Variants in TMEM74 observed in about 807,000 individuals in gnomAD.
The protein encoded by TMEM74 is transmembrane protein 74.
TMEM74 carries 13 observed loss-of-function variants against 18.1 expected under a neutral mutation model. That is an observed-to-expected ratio of 0.72 (90% confidence interval 0.47 to 1.14). The LOEUF is 1.14. Among genes scored for constraint, TMEM74 ranks in the 50% most tolerant of loss-of-function variants. The pLI is 0.00. For missense variants in TMEM74, 372 were observed against 375.9 expected (o/e 0.99, Z 0.09); for synonymous variants, 159 against 146.6 (o/e 1.08, Z -0.61).
At chr8:108,669,819 C>G (rs866571856) in intron 1 of TMEM74, among the ~76,000 whole-genome samples, 1 of 151,998 alleles carries the variant, frequency 6.6e-6, no homozygotes, top group South Asian at 2.1e-4. Flanking sequence ...GGGCGGATCA[C>G]CTAAGGTCAG....
intron 2 of TMEM74, among the ~76,000 whole-genome samples, chr8:108,614,273 A>G (rs1444975048): frequency 2.0e-5 from 3 of 152,100 alleles, no homozygotes. Context: ...CTTTAGCCCA[A>G]ACTAAAGTCA....
At chr8:108,682,109 C>A (rs891330659) in intron 1 of TMEM74, among the ~76,000 whole-genome samples, 2 of 152,094 alleles carry the variant, frequency 1.3e-5, no homozygotes. Context: ...AAATCAAATA[C>A]AAAATTTCTG....
intron 3 of TMEM74, among the ~76,000 whole-genome samples, chr8:108,608,315 GA>G (rs988232400): frequency 6.7e-5 from 6 of 89,612 alleles, no homozygotes; most frequent in African/African-American, 2.0e-4. Flanking sequence ...AAAAAAAAAA[GA>G]AAAAAAGAAA....
intron 2 of TMEM74, among the ~76,000 whole-genome samples, chr8:108,611,024 C>T (rs967459074): frequency 2.0e-5 from 3 of 152,162 alleles, no homozygotes; most frequent in Non-Finnish European, 4.4e-5. Flanking sequence ...AAAACCTGAT[C>T]CTGTCCTCAA....
At chr8:108,722,632 T>C (rs1012259356) in intron 1 of TMEM74, among the ~76,000 whole-genome samples, 4 of 152,236 alleles carry the variant, frequency 2.6e-5, no homozygotes, top group African/African-American at 9.6e-5. Flanking sequence ...TTGATCGTTT[T>C]GAGGACTAAA....
intron 1 of TMEM74, among the ~76,000 whole-genome samples, chr8:108,705,830 T>A (rs961025314): frequency 1.3e-5 from 2 of 152,236 alleles, no homozygotes; most frequent in Non-Finnish European, 2.9e-5. Context: ...ACAGATACTC[T>A]CATTAGAGAT....
intron 1 of TMEM74, among the ~76,000 whole-genome samples, chr8:108,703,988 C>T (rs1304878643): frequency 1.3e-5 from 2 of 152,166 alleles, no homozygotes; most frequent in African/African-American, 4.8e-5. Flanking sequence ...ATAAATGCTG[C>T]CCCCTTCTGG....
chr8:108,653,552 C>A (rs904263226), intron 2 of TMEM74, among the ~76,000 whole-genome samples: 2 of 152,042 alleles, frequency 1.3e-5, no homozygotes, highest in Non-Finnish European at 2.9e-5. Flanking sequence ...AGGAATTAGC[C>A]CAAAACCACA....
At chr8:108,732,797 G>A (rs73700358) in intron 1 of TMEM74, among the ~76,000 whole-genome samples, 4 of 105,292 alleles carry the variant, frequency 3.8e-5, no homozygotes, top group South Asian at 3.1e-4. Context: ...ATATATATAT[G>A]TATATATATG....
At chr8:108,682,758 C>T (rs1813128309) in intron 1 of TMEM74, among the ~76,000 whole-genome samples, 1 of 151,934 alleles carries the variant, frequency 6.6e-6, no homozygotes, top group Admixed American at 6.6e-5. Flanking sequence ...CCCATAAATA[C>T]TCTTATAGTG....
At chr8:108,768,755 C>T (rs1332535750) in intron 1 of TMEM74, among the ~76,000 whole-genome samples, 3 of 152,160 alleles carry the variant, frequency 2.0e-5, no homozygotes, top group African/African-American at 7.2e-5. Context: ...CTGGCTCAAA[C>T]CTTCACCTGT....
rs556192449 is a variant in TMEM74 at position 108,702,084 on chromosome 8, C to G, written n.120-46647G>C. On this transcript the variant is annotated intron_variant and non_coding_transcript_variant, in intron 1 of 3. Transcript: ENST00000518838. ...AATAGGCCAGGCATGGTGGCTCATG[C>G]TGGCAATCCCAGCACTTTGGGAGGA... Among the ~76,000 whole-genome samples the G allele has an allele frequency of 2.0e-5, 3 of 152,210 alleles. No individual in the cohort carries two copies. The South Asian group carries it at 6.2e-4, about 32-fold the overall frequency.
chr8:108,725,944 A>G (rs1813632922), intron 1 of TMEM74, among the ~76,000 whole-genome samples: 1 of 152,160 alleles, frequency 6.6e-6, no homozygotes, highest in African/African-American at 2.4e-5. Flanking sequence ...AGATTGTTGG[A>G]TATTTATGAA....
intron 1 of TMEM74, among the ~76,000 whole-genome samples, chr8:108,769,854 G>A (rs999912449): frequency 1.3e-5 from 2 of 151,718 alleles, no homozygotes; most frequent in South Asian, 2.1e-4. Context: ...TCCTTTCTGA[G>A]TTTTATGAGT....
chr8:108,647,940 AG>A, intron 2 of TMEM74, among the ~76,000 whole-genome samples: 1 of 152,268 alleles, frequency 6.6e-6, no homozygotes, highest in Non-Finnish European at 1.5e-5. Flanking sequence ...ATAATAAGAA[AG>A]GGGTAAACAA....
chr8:108,763,971 G>A (rs1320640682), intron 1 of TMEM74, among the ~76,000 whole-genome samples: 2 of 152,146 alleles, frequency 1.3e-5, no homozygotes, highest in African/African-American at 4.8e-5. Flanking sequence ...CTCCCAGTGG[G>A]AAAACAATTA....
At chr8:108,647,619 A>G (rs1283919750) in intron 2 of TMEM74, among the ~76,000 whole-genome samples, 2 of 152,048 alleles carry the variant, frequency 1.3e-5, no homozygotes, top group Non-Finnish European at 2.9e-5. Flanking sequence ...AGTAAATGAA[A>G]CTCTATAATC....
chr8:108,701,197 TAAAA>T lies in TMEM74; in HGVS notation n.120-45764_120-45761del, dbSNP rs34352264. On this transcript the variant is annotated intron_variant and non_coding_transcript_variant, in intron 1 of 3. Coordinates refer to the TMEM74 transcript ENST00000518838. ...CAAAATCCAACACCCATTCATGACT[TAAAA>T]AAAAAAAAAAAACAACTCTCTACAA... Among the ~76,000 whole-genome samples, 179 of 135,438 alleles carry T rather than the reference TAAAA, an allele frequency of 1.3e-3. No homozygotes were observed. In the East Asian group the frequency reaches 0.027, roughly 20 times the overall value. 88.9% of individuals were successfully genotyped at this position (135,438 alleles called of 152,430 possible).
rs531090820 is a variant in TMEM74 at position 108,615,323 on chromosome 8, T to C, written n.265-6497A>G. Among the ~76,000 whole-genome samples the C allele has an allele frequency of 4.6e-5, 7 of 152,322 alleles. No individual in the cohort carries two copies. The South Asian group carries it at 1.4e-3, about 32-fold the overall frequency. ...GGAATGGTTAGCACTCAGACCATTA[T>C]TAAACAAGACACATTTGTATACTAG... On this transcript the variant is annotated intron_variant and non_coding_transcript_variant, in intron 2 of 3. Transcript: ENST00000518838.
Sources: allele counts gnomAD v4.1 joint callset (sites outside exome capture counted in the v4.1 genomes callset), GRCh38; gene constraint gnomAD v4.1.1; transcripts MANE v1.5; gene names NCBI Gene and HGNC (gene_info 2026-07-23, HGNC 2026-07-21).